Variants in APBA1 observed in about 807,000 individuals in gnomAD.
APBA1 encodes amyloid-beta A4 precursor protein-binding family A member 1.
Under a neutral mutation model 86.6 loss-of-function variants are expected in APBA1, and 55 were observed. That is an observed-to-expected ratio of 0.64 (90% CI 0.51 to 0.80). The LOEUF (loss-of-function observed/expected upper bound fraction) is 0.80, where lower values mean the gene tolerates loss of function less well. APBA1 is among the 30% of genes least tolerant of loss of function. The pLI is 0.00. For missense variants in APBA1, 1,090 were observed against 1,183.0 expected, an observed-to-expected ratio of 0.92 and a Z score of 1.15; for synonymous variants, 511 against 493.9, an observed-to-expected ratio of 1.03 and a Z score of -0.46.
At chr9:69,520,681 C>A (rs931400972) in intron 1 of APBA1, among the ~76,000 whole-genome samples, 1 of 152,186 alleles carries the variant, frequency 6.6e-6, no homozygotes, top group African/African-American at 2.4e-5. Context: ...CCTACCCACC[C>A]TCGCTCTCAA....
At chr9:69,609,218 G>A (rs1338712114) in intron 1 of APBA1, among the ~76,000 whole-genome samples, 1 of 152,158 alleles carries the variant, frequency 6.6e-6, no homozygotes, top group East Asian at 1.9e-4. Context: ...GGATCAAAAT[G>A]GAGTCACTTA....
intron 1 of APBA1, among the ~76,000 whole-genome samples, chr9:69,598,116 G>C (rs1332696060): frequency 6.6e-6 from 1 of 151,792 alleles, no homozygotes; most frequent in Non-Finnish European, 1.5e-5. Context: ...AAAAAATGAT[G>C]AGTTCATGTC....
intron 1 of APBA1, among the ~76,000 whole-genome samples, chr9:69,662,437 G>C (rs941006441): frequency 6.6e-6 from 1 of 152,158 alleles, no homozygotes; most frequent in Admixed American, 6.6e-5. Context: ...TGTGTACTTT[G>C]ATAGCTAGCC....
In APBA1 at chr9:69,672,274, CCCGCCGCAGCTGCCGCCGCCGCCG is replaced by C; in HGVS notation, c.-215_-192del. 1.1e-5 allele frequency: 2 copies of C among 175,758 alleles called. No homozygotes were observed. Among genetic ancestry groups the C allele is most frequent in the South Asian group, 1.4e-4 (1 of 7,184 alleles). The allele number at this position is 175,758 out of a possible 1,614,324, so 10.9% of individuals were successfully genotyped here. On this transcript the variant is annotated 5_prime_UTR_variant, in exon 1 of 13. Transcript: ENST00000265381. ...GCTGCCTCCAGCGCCACCATCTTCT[CCCGCCGCAGCTGCCGCCGCCGCCG>C]CCGCCGCCGGGACCGCAGCCGCCCT... is the stretch of plus-strand genomic sequence containing the variant.
intron 1 of APBA1, among the ~76,000 whole-genome samples, chr9:69,657,077 C>T (rs1242698621): frequency 6.6e-6 from 1 of 151,758 alleles, no homozygotes; most frequent in Admixed American, 6.6e-5. Context: ...GATCTCCTGA[C>T]CTCATGATCC....
At chr9:69,540,059 G>T (rs528466664) in intron 1 of APBA1, among the ~76,000 whole-genome samples, 2 of 152,166 alleles carry the variant, frequency 1.3e-5, no homozygotes, top group South Asian at 4.2e-4. Context: ...GGCGGAGGTT[G>T]CAGTGAGCTG....
intron 1 of APBA1, among the ~76,000 whole-genome samples, chr9:69,565,799 TCTC>T (rs1246501759): frequency 6.6e-6 from 1 of 152,152 alleles, no homozygotes; most frequent in African/African-American, 2.4e-5. Context: ...TCCTTACCGT[TCTC>T]CTCCCCTGTC....
chr9:69,471,067 C>T (rs1266076823), intron 4 of APBA1, among the ~76,000 whole-genome samples: 2 of 152,154 alleles, frequency 1.3e-5, no homozygotes, highest in African/African-American at 2.4e-5. Context: ...AAGTTACCCT[C>T]TTGATGCCTC....
At chr9:69,536,431 C>A (rs992779398) in intron 1 of APBA1, among the ~76,000 whole-genome samples, 1 of 151,896 alleles carries the variant, frequency 6.6e-6, no homozygotes, top group African/African-American at 2.4e-5. Context: ...TTTGCCCCAT[C>A]CTCTTGTATT....
intron 1 of APBA1, among the ~76,000 whole-genome samples, chr9:69,667,303 C>T (rs1823859901): frequency 6.6e-6 from 1 of 152,158 alleles, no homozygotes; most frequent in Non-Finnish European, 1.5e-5. Flanking sequence ...AGTTGTCAAA[C>T]TCCAATTATA....
Position 69,593,321 on chromosome 9 carries a change from T to C in APBA1, c.-69-76042A>G, listed in dbSNP as rs10117559. Among the ~76,000 whole-genome samples, 550 of 152,324 alleles carry C rather than the reference T, an allele frequency of 3.6e-3. 3 individuals carry two copies. The highest frequency in any genetic ancestry group is 0.013 in the African/African-American group (538 of 41,572). On this transcript the variant is annotated intron_variant, in intron 1 of 12. Coordinates refer to ENST00000265381, the MANE Select transcript of APBA1 (RefSeq NM_001163.4). ...AAACATGACATTTTTCCTTCTAGAA[T>C]TGGTTTTTAAAGCAGCAACCACACT... is the stretch of plus-strand genomic sequence containing the variant.
intron 1 of APBA1, among the ~76,000 whole-genome samples, chr9:69,557,491 C>T (rs1355465027): frequency 6.6e-6 from 1 of 152,204 alleles, no homozygotes; most frequent in East Asian, 1.9e-4. Context: ...CTTCTTCCTC[C>T]TCCTCACCCG....
chr9:69,528,268 C>A (rs988762229), intron 1 of APBA1, among the ~76,000 whole-genome samples: 10 of 152,072 alleles, frequency 6.6e-5, no homozygotes, highest in Admixed American at 6.6e-5. Flanking sequence ...ATTAATTCAT[C>A]CACTTGGATT....
intron 1 of APBA1, among the ~76,000 whole-genome samples, chr9:69,523,861 CA>C (rs1354493847): frequency 2.0e-5 from 3 of 151,576 alleles, no homozygotes; most frequent in Non-Finnish European, 4.4e-5. Context: ...TCAAAAAAAT[CA>C]AAATTAAAAT....
At chr9:69,658,294 T>C (rs13287557) in intron 1 of APBA1, among the ~76,000 whole-genome samples, 2,477 of 44,080 alleles carry the variant, frequency 0.056, 134 homozygotes, top group Middle Eastern at 0.11. Context: ...CTCTCTCTCT[T>C]TCTCTCTCTC....
chr9:69,463,884 A>G (rs1835232708), intron 5 of APBA1: 1 of 152,272 alleles, frequency 6.6e-6, no homozygotes, highest in Non-Finnish European at 1.5e-5. Flanking sequence ...ATAAATCCAC[A>G]GAGCTTTTCT....
intron 3 of APBA1, among the ~76,000 whole-genome samples, chr9:69,475,486 G>A (rs963141655): frequency 6.6e-6 from 1 of 152,158 alleles, no homozygotes; most frequent in Admixed American, 6.5e-5. Context: ...CAAGAGAGAA[G>A]GGCGCTCATA....
chr9:69,592,657 C>T (rs753634646), intron 1 of APBA1, among the ~76,000 whole-genome samples: 53 of 152,248 alleles, frequency 3.5e-4, no homozygotes, highest in South Asian at 2.1e-4. Flanking sequence ...TTATAAATGA[C>T]AGTCTTTCCT....
intron 1 of APBA1, among the ~76,000 whole-genome samples, chr9:69,669,619 T>C (rs1823908956): frequency 6.6e-6 from 1 of 152,000 alleles, no homozygotes; most frequent in South Asian, 2.1e-4. Flanking sequence ...CTGAAAAAAA[T>C]AAACAAATAT....
Sources: allele counts gnomAD v4.1 joint callset (sites outside exome capture counted in the v4.1 genomes callset), GRCh38; gene constraint gnomAD v4.1.1; transcripts MANE v1.5; gene names NCBI Gene and HGNC (gene_info 2026-07-23, HGNC 2026-07-21).